DMKN: variants seen among roughly 807,000 people sequenced by gnomAD.
DMKN encodes dermokine, also known as epidermis-specific secreted protein SK30/SK89.
Under a neutral mutation model 67.6 loss-of-function variants are expected in DMKN, and 58 were observed. The observed-to-expected ratio is 0.86, with a 90% confidence interval of 0.69 to 1.07. The LOEUF (loss-of-function observed/expected upper bound fraction) is 1.07, where lower values mean the gene tolerates loss of function less well. DMKN is among the 50% of genes least tolerant of loss of function. The probability of loss-of-function intolerance (pLI) is 0.00; values close to 1 mark genes in which losing one functional copy is unlikely to be tolerated. For synonymous variants in DMKN, 240 were observed against 232.3 expected, an observed-to-expected ratio of 1.03 and a Z score of -0.30; for missense variants, 596 against 601.5, an observed-to-expected ratio of 0.99 and a Z score of 0.10.
intron 7 of DMKN, chr19:35,507,083 C>T (rs1229084672): frequency 1.5e-5 from 3 of 199,918 alleles, no homozygotes; most frequent in East Asian, 2.7e-4. Flanking sequence ...GCTGGGATTA[C>T]AGTTATGCTG....
In DMKN at chr19:35,505,747, C is replaced by G; in HGVS notation, c.1105G>C (p.Gly369Arg). 6.2e-7 allele frequency: 1 copy of G among 1,614,058 alleles called. No homozygotes were observed. Among genetic ancestry groups the G allele is most frequent in the Non-Finnish European group, 8.5e-7 (1 of 1,180,028 alleles). The change falls in exon 9 of 16, where the codon GGT (glycine) becomes CGT (arginine). Residue 369 changes from glycine (G) to arginine (R), a missense_variant. Coordinates refer to ENST00000339686, the MANE Select transcript of DMKN (RefSeq NM_033317.5). ...TTTATGGCATCCCAGTTGATGAAAC[C>G]CAGCTTGGATTTAAAATTCTATGGA... ...TFWKNFKSKLGFINWDAINKN... is the reference protein window; with the variant it reads ...TFWKNFKSKLRFINWDAINKN...
intron 5 of DMKN, 58 bp downstream of exon 5, chr19:35,511,353 G>A (rs2070716799): frequency 3.1e-6 from 5 of 1,599,556 alleles, no homozygotes; most frequent in Middle Eastern, 2.3e-4. Context: ...GCCCTCTCCC[G>A]GCAGGGACCA....
rs921274549 is a variant in DMKN at position 35,510,547 on chromosome 19, G to A, written c.919-295C>T. The A allele has an allele frequency of 5.9e-6, 9 of 1,532,966 alleles. No individual in the cohort carries two copies. The South Asian group carries it at 9.6e-5, about 16-fold the overall frequency. The allele number at this position is 1,532,966 out of a possible 1,614,324, so 95.0% of individuals were successfully genotyped here. A position where few individuals can be genotyped will look rare whatever the true frequency, so the allele number is the denominator to read the frequency against. On this transcript the variant is annotated intron_variant, in intron 5 of 15. Transcript: ENST00000339686. ...TGGAGCCCGGCCGCGCAGTAGCCGCGATCCTGCCACCAGGGGGCAGCAAGT... is the reference window on the plus strand; with the variant it reads ...TGGAGCCCGGCCGCGCAGTAGCCGCAATCCTGCCACCAGGGGGCAGCAAGT...
In DMKN at chr19:35,500,103, T is replaced by C. The variant is rs75429236; in HGVS notation, c.1288-74A>G. 9.4e-4 allele frequency: 1,452 copies of C among 1,537,200 alleles called. 5 individuals carry two copies. In the African/African-American group the frequency reaches 0.018, roughly 19 times the overall value. ...TTTGCTCTGGAATAAACATCCCACCTTCCTGCCTGGACCAGACCTTTCCTA... is the reference window on the plus strand; with the variant it reads ...TTTGCTCTGGAATAAACATCCCACCCTCCTGCCTGGACCAGACCTTTCCTA... On this transcript the variant is annotated intron_variant, in intron 12 of 15. Transcript: ENST00000339686.
intron 9 of DMKN, 144 bp from the exon 10 acceptor site, chr19:35,503,030 AC>A: frequency 1.0e-6 from 1 of 992,462 alleles, no homozygotes; most frequent in Non-Finnish European, 1.5e-6. Flanking sequence ...CTTTAGGGAC[AC>A]CAGGAAACCA....
intron 12 of DMKN, chr19:35,500,258 T>C: frequency 7.2e-7 from 1 of 1,391,314 alleles, no homozygotes; most frequent in East Asian, 2.5e-5. Context: ...CTCCTCCTAC[T>C]CCTCCTCCTG....
chr19:35,509,763 A>G (rs2070358174), intron 7 of DMKN, 148 bp downstream of exon 7: 5 of 844,252 alleles, frequency 5.9e-6, no homozygotes, highest in South Asian at 5.0e-5. Flanking sequence ...TAGCATTTTT[A>G]GGAGTGCATT....
chr19:35,503,385 G>C (rs1446038929), intron 9 of DMKN: 1 of 1,551,502 alleles, frequency 6.4e-7, no homozygotes. Flanking sequence ...GGAGTGTGGG[G>C]GCTCCCATCC....
In DMKN at chr19:35,512,425, T is replaced by G. The variant is rs1348041052; in HGVS notation, c.680A>C (p.Glu227Ala). The change falls in exon 3 of 16, where the codon GAA (glutamate) becomes GCA (alanine). Residue 227 changes from glutamate (E) to alanine (A), a missense_variant. By Grantham distance (107) the Glu-to-Ala change is moderately radical. Coordinates refer to ENST00000339686, the MANE Select transcript of DMKN (RefSeq NM_033317.5). ...YGSVRASNQN[E>A]GCTNPPPSGS... ...TTCCCAGCCCCTTCCTCTTACCCCT[T>G]CATTCTGGTTGCTGGCTCTCACTGA... 3.7e-6 allele frequency: 6 copies of G among 1,613,944 alleles called. No homozygotes were observed. Among genetic ancestry groups the G allele is most frequent in the Non-Finnish European group, 5.1e-6 (6 of 1,179,998 alleles).
At chr19:35,506,480 T>G in intron 7 of DMKN, 1 of 578,954 alleles carries the variant, frequency 1.7e-6, no homozygotes, top group Admixed American at 2.2e-5. Context: ...TTAGCTAACG[T>G]GTAGTCCCAC....
At chr19:35,510,311 G>C in intron 5 of DMKN, 59 bp from the exon 6 acceptor site, 1 of 1,556,556 alleles carries the variant, frequency 6.4e-7, no homozygotes, top group South Asian at 1.2e-5. Flanking sequence ...GGACCCAGTC[G>C]TTCCCAGCGG....
chr19:35,513,461 C>A lies in DMKN; in HGVS notation c.15G>T (p.Gly5=), dbSNP rs2071121029. ...GGGCCAGCAGGAGGCAGGCCAGGGG[C>A]CCCTGGAACTTCATCTCTGCCCAGC... MKFQ[G]PLACLLLALC... Residue 5 remains glycine, a synonymous_variant, in exon 1 of 16, where the codon GGG becomes GGT. Transcript: ENST00000339686. 2 of 1,597,582 alleles carry A rather than the reference C, an allele frequency of 1.3e-6. No individual in the cohort carries two copies. The highest frequency in any genetic ancestry group is 1.3e-5 in the African/African-American group (1 of 74,804).
Position 35,513,583 on chromosome 19 carries a change from C to A in DMKN, c.-108G>T. ...CCCTCCTCTGTCCTCCTCCTTCCGA[C>A]TCCCTGTCCTCCCTCCCTCTGGGTC... On this transcript the variant is annotated 5_prime_UTR_variant, in exon 1 of 16. Coordinates refer to ENST00000339686, the MANE Select transcript of DMKN (RefSeq NM_033317.5). 1 of 1,348,996 alleles carries A rather than the reference C, an allele frequency of 7.4e-7. No homozygotes were observed. Among genetic ancestry groups the A allele is most frequent in the East Asian group, 2.5e-5 (1 of 40,592 alleles). 83.6% of individuals were successfully genotyped at this position (1,348,996 alleles called of 1,614,324 possible).
chr19:35,505,460 C>G (rs993432081), intron 9 of DMKN, among the ~76,000 whole-genome samples: 2 of 152,202 alleles, frequency 1.3e-5, no homozygotes, highest in Non-Finnish European at 2.9e-5. Flanking sequence ...AGGTTCAGGA[C>G]CTGCTCGGGT....
intron 15 of DMKN, 83 bp downstream of exon 15, chr19:35,498,633 T>C (rs1006170571): frequency 2.9e-4 from 455 of 1,580,376 alleles, no homozygotes; most frequent in Non-Finnish European, 3.7e-4. Flanking sequence ...GATCTGAGGA[T>C]ATACCAAGAT....
intron 7 of DMKN, chr19:35,507,537 G>A: frequency 1.3e-6 from 2 of 1,550,794 alleles, no homozygotes; most frequent in Non-Finnish European, 1.7e-6. Flanking sequence ...ACGGAGAGGA[G>A]TTGATGGGGA....
At chr19:35,504,663 G>A (rs544312187) in intron 9 of DMKN, among the ~76,000 whole-genome samples, 2 of 152,146 alleles carry the variant, frequency 1.3e-5, no homozygotes, top group African/African-American at 4.8e-5. Flanking sequence ...GTAGCTGGGT[G>A]GGAACATCTG....
intron 9 of DMKN, chr19:35,503,290 G>T: frequency 1.3e-6 from 2 of 1,508,804 alleles, no homozygotes; most frequent in Non-Finnish European, 1.8e-6. Flanking sequence ...TAAGAAAGGA[G>T]CAGAGGCCAG....
chr19:35,500,228 G>A, intron 12 of DMKN, 199 bp from the exon 13 acceptor site: 1 of 1,252,494 alleles, frequency 8.0e-7, no homozygotes, highest in South Asian at 1.5e-5. Flanking sequence ...TACTGTCCTA[G>A]CCCAAATGGC....
Sources: allele counts gnomAD v4.1 joint callset (sites outside exome capture counted in the v4.1 genomes callset), GRCh38; gene constraint gnomAD v4.1.1; transcripts MANE v1.5; gene names NCBI Gene and HGNC (gene_info 2026-07-23, HGNC 2026-07-21).